The following ALKBH8 variants were observed in gnomAD, a reference collection of about 807,000 sequenced individuals.
ALKBH8 encodes the protein alkB homolog 8, tRNA methyltransferase, also known as tRNA (carboxymethyluridine(34)-5-O)-methyltransferase ALKBH8.
A neutral mutation model predicts 59.8 loss-of-function variants in ALKBH8; 36 were observed. The ratio of observed to expected loss-of-function variants is 0.60; its 90% confidence interval spans 0.46 to 0.79. The LOEUF (loss-of-function observed/expected upper bound fraction) is 0.79, where lower values mean the gene tolerates loss of function less well. Among genes scored for constraint, ALKBH8 ranks in the 30% least tolerant of loss-of-function variants. The probability of loss-of-function intolerance (pLI) is 0.00; values close to 1 mark genes in which losing one functional copy is unlikely to be tolerated. For missense variants in ALKBH8, 768 were observed against 801.0 expected, an observed-to-expected ratio of 0.96 and a Z score of 0.50; for synonymous variants, 276 against 273.6, an observed-to-expected ratio of 1.01 and a Z score of -0.09.
intron 10 of ALKBH8, among the ~76,000 whole-genome samples, chr11:107,517,820 T>A (rs1862929949): frequency 6.6e-6 from 1 of 152,196 alleles, no homozygotes; most frequent in African/African-American, 2.4e-5. Context: ...ATAGGAGGAA[T>A]AAATTCCACA....
intron 6 of ALKBH8, 25 bp from the exon 7 acceptor site, chr11:107,549,848 G>A (rs749111094): frequency 1.3e-4 from 193 of 1,487,906 alleles, no homozygotes; most frequent in Non-Finnish European, 1.6e-4. Context: ...AGGACAACAC[G>A]TCACTTCATT....
Position 107,511,013 on chromosome 11 carries a change from G to A in ALKBH8, c.1311C>T (p.Asn437=). 6.4e-7 allele frequency: 1 copy of A among 1,551,908 alleles called. No homozygotes were observed. Among genetic ancestry groups the A allele is most frequent in the Non-Finnish European group, 8.7e-7 (1 of 1,146,968 alleles). Residue 437 remains asparagine (N), a synonymous_variant, in exon 11 of 12, where the codon AAC becomes AAT. Coordinates refer to ENST00000428149, the MANE Select transcript of ALKBH8 (RefSeq NM_138775.3). Reference sequence around the variant, plus strand: ...GCCTCTCTCTACAAATGTCCACAAGGTTTTGGCTACGATCACAACCAATCT... The same window carrying A: ...GCCTCTCTCTACAAATGTCCACAAGATTTTGGCTACGATCACAACCAATCT... ...LYMIGCDRSQ[N]LVDICRERQF...
At chr11:107,515,728 A>T (rs1184475430) in intron 10 of ALKBH8, among the ~76,000 whole-genome samples, 2 of 152,078 alleles carry the variant, frequency 1.3e-5, no homozygotes, top group Non-Finnish European at 2.9e-5. Flanking sequence ...AAGTAAACAT[A>T]AAAAAAATTC....
At chr11:107,509,169 C>T in intron 11 of ALKBH8, among the ~76,000 whole-genome samples, 1 of 152,162 alleles carries the variant, frequency 6.6e-6, no homozygotes, top group Non-Finnish European at 1.5e-5. Flanking sequence ...CTTGCCAACA[C>T]TTGTTATTTT....
intron 7 of ALKBH8, among the ~76,000 whole-genome samples, chr11:107,543,163 C>A (rs558458656): frequency 6.6e-6 from 1 of 152,106 alleles, no homozygotes; most frequent in South Asian, 2.1e-4. Flanking sequence ...ATGGTGAAAC[C>A]CTGTCTCTAC....
intron 10 of ALKBH8, among the ~76,000 whole-genome samples, chr11:107,511,614 T>G (rs1565313212): frequency 1.3e-5 from 2 of 152,162 alleles, no homozygotes; most frequent in Non-Finnish European, 2.9e-5. Flanking sequence ...TTCGCTCTTG[T>G]TGCCCAGGCT....
intron 10 of ALKBH8, among the ~76,000 whole-genome samples, chr11:107,520,895 A>T (rs1297930784): frequency 6.6e-6 from 1 of 152,192 alleles, no homozygotes. Context: ...AATACTAAAA[A>T]AATAAAAATT....
chr11:107,514,903 G>GA (rs1463483898), intron 10 of ALKBH8, among the ~76,000 whole-genome samples: 1 of 151,990 alleles, frequency 6.6e-6, no homozygotes, highest in Non-Finnish European at 1.5e-5. Flanking sequence ...AGATAAGACA[G>GA]AACATGGAGA....
chr11:107,564,616 T>C (rs1865058925), intron 1 of ALKBH8, among the ~76,000 whole-genome samples: 1 of 152,222 alleles, frequency 6.6e-6, no homozygotes, highest in Admixed American at 6.5e-5. Flanking sequence ...AGTTAGTAGC[T>C]ATTTAAACTG....
At chr11:107,553,575 G>C (rs1011043858) in intron 4 of ALKBH8, among the ~76,000 whole-genome samples, 4 of 152,058 alleles carry the variant, frequency 2.6e-5, no homozygotes, top group African/African-American at 9.7e-5. Flanking sequence ...CTTGCCTTAG[G>C]GTGGGGAGGA....
At chr11:107,514,466 CTAGAGG>C (rs1862773216) in intron 10 of ALKBH8, among the ~76,000 whole-genome samples, 1 of 152,012 alleles carries the variant, frequency 6.6e-6, no homozygotes, top group East Asian at 1.9e-4. Flanking sequence ...AGATATCAAG[CTAGAGG>C]TAAAGTACAG....
At chr11:107,532,517 T>A in intron 7 of ALKBH8, 111 bp from the exon 8 acceptor site, 1 of 807,962 alleles carries the variant, frequency 1.2e-6, no homozygotes, top group Non-Finnish European at 2.0e-6. Context: ...GATTAAAACA[T>A]AATAATGCTT....
Position 107,504,503 on chromosome 11 carries a change from T to A in ALKBH8, c.*155A>T. 1 of 866,432 alleles carries A rather than the reference T, an allele frequency of 1.2e-6. No individual in the cohort carries two copies. Among genetic ancestry groups the A allele is most frequent in the Non-Finnish European group, 1.9e-6 (1 of 535,434 alleles). 53.7% of individuals were successfully genotyped at this position (866,432 alleles called of 1,614,324 possible). On this transcript the variant is annotated 3_prime_UTR_variant, in exon 12 of 12. Coordinates refer to ENST00000428149, the MANE Select transcript of ALKBH8 (RefSeq NM_138775.3). Reference sequence around the variant, plus strand: ...TGTCAGCCAACAGGAGACATTTGAATGTCTCCTAATGAATCCCTACTTCCA... The same window carrying A: ...TGTCAGCCAACAGGAGACATTTGAAAGTCTCCTAATGAATCCCTACTTCCA...
chr11:107,532,603 T>G (rs61908182), intron 7 of ALKBH8, among the ~76,000 whole-genome samples, 197 bp from the exon 8 acceptor site: 30,725 of 152,130 alleles, frequency 0.2, 3,888 homozygotes, highest in South Asian at 0.37. Context: ...AAAAGGTATT[T>G]CATCCACAGA....
At chr11:107,513,364 T>A (rs545533563) in intron 10 of ALKBH8, among the ~76,000 whole-genome samples, 2 of 152,180 alleles carry the variant, frequency 1.3e-5, no homozygotes, top group East Asian at 3.9e-4. Flanking sequence ...CTCAGACCAG[T>A]CAGAATGGCT....
chr11:107,561,352 A>G lies in ALKBH8; in HGVS notation c.-6-453T>C, dbSNP rs1377957358. Among the ~76,000 whole-genome samples, 6 of 152,110 alleles carry G rather than the reference A, an allele frequency of 3.9e-5. No individual in the cohort carries two copies. In the South Asian group the frequency reaches 1.0e-3, roughly 26 times the overall value. On this transcript the variant is annotated intron_variant, in intron 1 of 11. Transcript: ENST00000428149. ...AGGTCATAATCAAAAAGTAAGCCATATATTATTTAGAAATACATACATAGC... is the reference window on the plus strand; with the variant it reads ...AGGTCATAATCAAAAAGTAAGCCATGTATTATTTAGAAATACATACATAGC...
At position 107,504,921 on chromosome 11, in the gene ALKBH8, G is replaced by T. The variant is rs895029956; in HGVS notation, c.1732C>A (p.Leu578Met). 9.7e-6 allele frequency: 15 copies of T among 1,551,852 alleles called. No homozygotes were observed. In the African/African-American group the frequency reaches 1.9e-4, roughly 20 times the overall value. ...CNSRQVSNSK[L>M]PVHVNRTSFY... ...GAAGTCCTGTTAACATGAACAGGCAGCTTGGAATTAGAAACTTGCCTTGAA... is the reference window on the plus strand; with the variant it reads ...GAAGTCCTGTTAACATGAACAGGCATCTTGGAATTAGAAACTTGCCTTGAA... Residue 578 changes from leucine to methionine, a missense_variant, in exon 12 of 12, where the codon CTG (leucine) becomes ATG (methionine). By Grantham distance (15) the Leu-to-Met change is conservative. Transcript: ENST00000428149.
chr11:107,511,139 T>C, intron 10 of ALKBH8, 103 bp from the exon 11 acceptor site: 1 of 1,211,268 alleles, frequency 8.3e-7, no homozygotes, highest in Non-Finnish European at 1.2e-6. Flanking sequence ...AGATACCATA[T>C]TCATTGTGAA....
intron 7 of ALKBH8, among the ~76,000 whole-genome samples, chr11:107,539,582 G>A (rs1304774946): frequency 2.0e-5 from 3 of 146,560 alleles, no homozygotes; most frequent in Non-Finnish European, 4.5e-5. Context: ...CTGGGCAACA[G>A]AGCGAGAATC....
Sources: gnomAD v4.1 joint callset for allele counts (sites outside exome capture counted in the v4.1 genomes callset) on GRCh38, gnomAD v4.1.1 for gene constraint, MANE v1.5 for transcripts, NCBI Gene and HGNC (gene_info 2026-07-23, HGNC 2026-07-21) for gene names.